Variants in WDR7 observed in about 807,000 individuals in gnomAD.
WDR7 encodes the protein WD repeat domain 7, also known as WD repeat-containing protein 7.
In WDR7, 46 loss-of-function variants were observed where a neutral mutation model predicts 169.4. That is an observed-to-expected ratio of 0.27 (90% confidence interval 0.21 to 0.35). The LOEUF (loss-of-function observed/expected upper bound fraction) is 0.35, where lower values mean the gene tolerates loss of function less well. Ranked by LOEUF, WDR7 falls within the 10% of genes least tolerant of loss-of-function variation. The pLI is 1.00. For synonymous variants in WDR7, 612 were observed against 666.8 expected (o/e 0.92, Z 1.27); for missense variants, 1,534 against 1,859.3 (o/e 0.83, Z 3.22).
At chr18:57,035,837 G>T in the WDR7 span, 1 of 152,252 alleles carries the variant, frequency 6.6e-6, no homozygotes, top group Non-Finnish European at 1.5e-5. Flanking sequence ...TGGGAGGGCA[G>T]CCAACAAGGG....
intron 20 of WDR7, among the ~76,000 whole-genome samples, chr18:56,856,019 C>T (rs775522016): frequency 6.6e-6 from 1 of 152,090 alleles, no homozygotes; most frequent in Non-Finnish European, 1.5e-5. Flanking sequence ...ACTCTGGTAC[C>T]TCTGGGAAAC....
intron 25 of WDR7, 66 bp from the exon 26 acceptor site, chr18:56,962,364 T>C (rs2047349346): frequency 7.5e-7 from 1 of 1,335,596 alleles, no homozygotes; most frequent in Non-Finnish European, 1.1e-6. Flanking sequence ...TGCTGTCCAC[T>C]TCCAAGTGCA....
chr18:56,985,437 T>C (rs972243446), intron 26 of WDR7, among the ~76,000 whole-genome samples: 1 of 152,186 alleles, frequency 6.6e-6, no homozygotes, highest in African/African-American at 2.4e-5. Flanking sequence ...TACTGTGGTA[T>C]ATATTTGTTA....
At chr18:56,864,889 A>G (rs1050595684) in intron 20 of WDR7, among the ~76,000 whole-genome samples, 10 of 151,428 alleles carry the variant, frequency 6.6e-5, no homozygotes, top group African/African-American at 2.2e-4. Flanking sequence ...ATGATACTCA[A>G]TGAGAAGAAA....
chr18:56,871,612 A>T (rs1052092915), intron 20 of WDR7, among the ~76,000 whole-genome samples: 3 of 152,114 alleles, frequency 2.0e-5, no homozygotes, highest in Non-Finnish European at 2.9e-5. Flanking sequence ...ATTTTTATTT[A>T]TCATGAACCA....
chr18:56,905,826 C>A (rs185331797), intron 21 of WDR7, among the ~76,000 whole-genome samples: 1 of 152,108 alleles, frequency 6.6e-6, no homozygotes, highest in African/African-American at 2.4e-5. Context: ...TACTTTGATT[C>A]ATTGAAGAGT....
intron 21 of WDR7, among the ~76,000 whole-genome samples, chr18:56,888,675 A>G (rs555904615): frequency 8.7e-4 from 132 of 152,264 alleles, no homozygotes; most frequent in Middle Eastern, 3.4e-3. Context: ...CTTTTGGTTC[A>G]TTCTTTCATT....
chr18:57,032,480 G>A (rs4801074), downstream of WDR7: 46,747 of 152,108 alleles, frequency 0.31, 8,335 homozygotes, highest in East Asian at 0.51. Flanking sequence ...TGTGGCCTGT[G>A]AGGAACCAGG....
chr18:56,657,304 C>T (rs2024798548), intron 1 of WDR7, among the ~76,000 whole-genome samples: 2 of 151,886 alleles, frequency 1.3e-5, no homozygotes, highest in Admixed American at 1.3e-4. Flanking sequence ...ATTACAGGTG[C>T]CCGCCAGGAC....
intron 26 of WDR7, among the ~76,000 whole-genome samples, chr18:56,994,515 T>C (rs899833320): frequency 1.3e-5 from 2 of 152,228 alleles, no homozygotes; most frequent in Admixed American, 6.5e-5. Context: ...AAAAAGAGTT[T>C]GTTCACATAA....
intron 21 of WDR7, among the ~76,000 whole-genome samples, chr18:56,881,957 A>G (rs1458961139): frequency 6.6e-6 from 1 of 152,148 alleles, no homozygotes; most frequent in Non-Finnish European, 1.5e-5. Flanking sequence ...TGAACTTAAG[A>G]CTTCTTCAAA....
intron 26 of WDR7, among the ~76,000 whole-genome samples, chr18:57,010,745 A>G (rs2145914874): frequency 6.6e-6 from 1 of 152,342 alleles, no homozygotes; most frequent in South Asian, 2.1e-4. Flanking sequence ...TCAGAAGAAC[A>G]GGGAAGAGCA....
chr18:57,010,482 G>A (rs2048121170), intron 26 of WDR7, among the ~76,000 whole-genome samples: 1 of 151,848 alleles, frequency 6.6e-6, no homozygotes, highest in African/African-American at 2.4e-5. Flanking sequence ...ATGTCTTTAG[G>A]CTTTTTTAAT....
At chr18:56,722,896 T>C (rs998305511) in intron 13 of WDR7, among the ~76,000 whole-genome samples, 1 of 152,194 alleles carries the variant, frequency 6.6e-6, no homozygotes, top group South Asian at 2.1e-4. Flanking sequence ...CCCTGCCTAC[T>C]CTTTCTACCT....
chr18:57,016,883 C>T (rs2048214052), intron 26 of WDR7, among the ~76,000 whole-genome samples: 2 of 151,958 alleles, frequency 1.3e-5, no homozygotes, highest in Admixed American at 1.3e-4. Flanking sequence ...CTTTATATTC[C>T]ATTTCTGTCT....
intron 4 of WDR7, 115 bp from the exon 5 acceptor site, chr18:56,682,564 G>T: frequency 8.6e-7 from 1 of 1,169,222 alleles, no homozygotes; most frequent in Non-Finnish European, 1.2e-6. Context: ...AATTCTTACC[G>T]AAGAAGTTGA....
intron 25 of WDR7, among the ~76,000 whole-genome samples, chr18:56,951,082 G>A (rs2047174693): frequency 6.6e-6 from 1 of 152,046 alleles, no homozygotes; most frequent in African/African-American, 2.4e-5. Flanking sequence ...AGATATTGAC[G>A]AAGCCAGCTT....
At chr18:56,814,804 TAAAAA>T (rs574631201) in intron 19 of WDR7, among the ~76,000 whole-genome samples, 4 of 147,736 alleles carry the variant, frequency 2.7e-5, no homozygotes, top group Non-Finnish European at 6.0e-5. Context: ...AGTTAAAAAT[TAAAAA>T]AAAAAATGCT....
Position 56,746,853 on chromosome 18 carries a change from A to G in WDR7, c.1990-9730A>G, listed in dbSNP as rs901249415. Among the ~76,000 whole-genome samples, 13 of 152,132 alleles carry G rather than the reference A, an allele frequency of 8.5e-5. 1 individual carries two copies. The highest frequency in any genetic ancestry group is 3.1e-4 in the African/African-American group (13 of 41,414). On this transcript the variant is annotated intron_variant, in intron 14 of 27. Coordinates refer to ENST00000254442, the MANE Select transcript of WDR7 (RefSeq NM_015285.3). Reference sequence around the variant, plus strand: ...GTGCAGTATTTTTAGCACCATCCCTAGCCTCTACCCACTAGATGCTATTAG... The same window carrying G: ...GTGCAGTATTTTTAGCACCATCCCTGGCCTCTACCCACTAGATGCTATTAG...
Sources: gnomAD v4.1 joint callset for allele counts (sites outside exome capture counted in the v4.1 genomes callset) on GRCh38, gnomAD v4.1.1 for gene constraint, MANE v1.5 for transcripts, NCBI Gene and HGNC (gene_info 2026-07-23, HGNC 2026-07-21) for gene names.